PLPP1: variants seen among roughly 807,000 people sequenced by gnomAD.
PLPP1 encodes lipid phosphate phosphohydrolase 1a.
In PLPP1, 24 loss-of-function variants were observed where a neutral mutation model predicts 31.2. The ratio of observed to expected loss-of-function variants is 0.77; its 90% CI spans 0.56 to 1.08. The LOEUF is 1.08. PLPP1 is among the 50% of genes least tolerant of loss of function. The pLI, the probability that PLPP1 is intolerant of heterozygous loss-of-function variation, is 0.00. For synonymous variants in PLPP1, 146 were observed against 126.3 expected, an observed-to-expected ratio of 1.16 and a Z score of -1.05; for missense variants, 319 against 342.7, an observed-to-expected ratio of 0.93 and a Z score of 0.55.
chr5:55,485,252 A>ACT (rs1382198930), intron 1 of PLPP1, among the ~76,000 whole-genome samples: 2 of 152,054 alleles, frequency 1.3e-5, no homozygotes, highest in Admixed American at 1.3e-4. Flanking sequence ...TCTCATGCTA[A>ACT]CTCCAGGTGG....
chr5:55,458,653 C>T (rs1752074267), intron 3 of PLPP1, among the ~76,000 whole-genome samples: 1 of 151,788 alleles, frequency 6.6e-6, no homozygotes, highest in Non-Finnish European at 1.5e-5. Context: ...TTAGGGAGGC[C>T]AAGGTGGGTG....
intron 1 of PLPP1, among the ~76,000 whole-genome samples, chr5:55,501,596 C>T (rs1753147119): frequency 6.6e-6 from 1 of 152,150 alleles, no homozygotes; most frequent in Non-Finnish European, 1.5e-5. Context: ...ACTCCAACTC[C>T]TGGGTTCAAG....
At position 55,467,980 on chromosome 5, in the gene PLPP1, C is replaced by T. The variant is rs1682029793; in HGVS notation, c.380G>A (p.Arg127Gln). Residue 127 changes from arginine to glutamine, a missense_variant, in exon 3 of 6, where the codon CGG (arginine) becomes CAG (glutamine). Physicochemically the swap from Arg to Gln is conservative, Grantham distance 43 (BLOSUM62 1). Transcript: ENST00000307259. ...DIAKYSIGRLRPHFLDVCDPD... is the reference protein window; with the variant it reads ...DIAKYSIGRLQPHFLDVCDPD... ...ATCACAAACATCCAAGAAGTGAGGC[C>T]GCAGTCTGCCTATTGAATACTTGGC... is the stretch of plus-strand genomic sequence containing the variant. 5 of 1,614,026 alleles carry T rather than the reference C, an allele frequency of 3.1e-6. No individual in the cohort carries two copies. The highest frequency in any genetic ancestry group is 1.3e-5 in the African/African-American group (1 of 74,922).
chr5:55,462,174 C>G (rs1752179866), intron 3 of PLPP1, among the ~76,000 whole-genome samples: 1 of 152,076 alleles, frequency 6.6e-6, no homozygotes, highest in African/African-American at 2.4e-5. Flanking sequence ...TCAAAGAAAA[C>G]ATAAAGAACT....
At chr5:55,445,120 C>T (rs1751731201) in intron 3 of PLPP1, among the ~76,000 whole-genome samples, 1 of 152,160 alleles carries the variant, frequency 6.6e-6, no homozygotes, top group African/African-American at 2.4e-5. Flanking sequence ...GCACCCCCTT[C>T]TCAGAGCTGA....
At chr5:55,512,299 C>T (rs1202810609) in intron 1 of PLPP1, among the ~76,000 whole-genome samples, 2 of 150,594 alleles carry the variant, frequency 1.3e-5, no homozygotes, top group African/African-American at 4.9e-5. Flanking sequence ...GGTGAAATCC[C>T]GTCTCTACTA....
intron 1 of PLPP1, among the ~76,000 whole-genome samples, chr5:55,478,172 C>A (rs1245158515): frequency 2.0e-5 from 3 of 151,936 alleles, no homozygotes; most frequent in East Asian, 3.9e-4. Flanking sequence ...CCCCTGACCA[C>A]AAAAACCATG....
chr5:55,446,681 A>T (rs1751772529), intron 3 of PLPP1, among the ~76,000 whole-genome samples: 1 of 152,246 alleles, frequency 6.6e-6, no homozygotes, highest in Non-Finnish European at 1.5e-5. Flanking sequence ...TGCTGGGTTC[A>T]CTACCAATAC....
chr5:55,489,912 C>T (rs1752851345), intron 1 of PLPP1, among the ~76,000 whole-genome samples: 1 of 152,094 alleles, frequency 6.6e-6, no homozygotes, highest in Admixed American at 6.6e-5. Context: ...CTTCACCTTG[C>T]TCCTTCCCTT....
At chr5:55,452,362 A>T (rs1196117066) in intron 3 of PLPP1, among the ~76,000 whole-genome samples, 1 of 152,114 alleles carries the variant, frequency 6.6e-6, no homozygotes, top group East Asian at 1.9e-4. Flanking sequence ...GCCATGTGGT[A>T]TGCCTGTTTC....
At chr5:55,516,896 TA>T (rs1343122045) in intron 1 of PLPP1, among the ~76,000 whole-genome samples, 3 of 152,256 alleles carry the variant, frequency 2.0e-5, no homozygotes, top group African/African-American at 7.2e-5. Flanking sequence ...TTATTTTGGG[TA>T]ATTATAGCTT....
chr5:55,500,310 A>C (rs1468067977), intron 1 of PLPP1, among the ~76,000 whole-genome samples: 1 of 151,898 alleles, frequency 6.6e-6, no homozygotes, highest in Non-Finnish European at 1.5e-5. Context: ...TGATCTCCTG[A>C]CCTCATGAAC....
At chr5:55,504,382 G>A (rs1215331365) in intron 1 of PLPP1, among the ~76,000 whole-genome samples, 1 of 149,926 alleles carries the variant, frequency 6.7e-6, no homozygotes, top group Admixed American at 6.6e-5. Flanking sequence ...AAAAGCCAGG[G>A]ATGGTGGTGC....
At chr5:55,467,254 T>C (rs1752322318) in intron 3 of PLPP1, among the ~76,000 whole-genome samples, 1 of 152,184 alleles carries the variant, frequency 6.6e-6, no homozygotes, top group African/African-American at 2.4e-5. Context: ...CTTTGACCCC[T>C]GTGGCAGCGC....
intron 1 of PLPP1, among the ~76,000 whole-genome samples, chr5:55,476,125 C>T (rs1016869025): frequency 2.6e-5 from 4 of 151,722 alleles, no homozygotes; most frequent in South Asian, 4.2e-4. Context: ...ACCACAGGCA[C>T]GCACCACCAT....
At chr5:55,449,635 C>T (rs1191839523) in intron 3 of PLPP1, among the ~76,000 whole-genome samples, 1 of 152,028 alleles carries the variant, frequency 6.6e-6, no homozygotes, top group African/African-American at 2.4e-5. Flanking sequence ...ATAAATACCG[C>T]ATGTTTTGTT....
intron 4 of PLPP1, among the ~76,000 whole-genome samples, chr5:55,426,856 C>A (rs1312887203): frequency 1.3e-5 from 2 of 152,236 alleles, no homozygotes; most frequent in Admixed American, 1.3e-4. Context: ...GCAACTGAGA[C>A]TAAATAATCT....
At chr5:55,523,470 T>C (rs1753717153) in intron 1 of PLPP1, among the ~76,000 whole-genome samples, 1 of 152,138 alleles carries the variant, frequency 6.6e-6, no homozygotes, top group African/African-American at 2.4e-5. Context: ...GACTATACCA[T>C]TGTTAGCCAG....
chr5:55,454,255 ATCCTATATCTCCC>A (rs1167239490), intron 3 of PLPP1, among the ~76,000 whole-genome samples: 4 of 152,116 alleles, frequency 2.6e-5, no homozygotes, highest in Non-Finnish European at 4.4e-5. Context: ...AAGTTAGCCA[ATCCTATATCTCCC>A]TCCTATATCT....
Sources: gnomAD v4.1 joint callset for allele counts (sites outside exome capture counted in the v4.1 genomes callset) on GRCh38, gnomAD v4.1.1 for gene constraint, MANE v1.5 for transcripts, NCBI Gene and HGNC (gene_info 2026-07-23, HGNC 2026-07-21) for gene names.